The following KIF1C variants were observed in gnomAD, a reference collection of about 807,000 sequenced individuals.
The protein encoded by KIF1C is kinesin family member 1C, also known as kinesin-like protein KIF1C.
A neutral mutation model predicts 126.5 loss-of-function variants in KIF1C; 61 were observed. That is an observed-to-expected ratio of 0.48 (90% CI 0.39 to 0.60). The LOEUF is 0.60. Among genes scored for constraint, KIF1C ranks in the 20% least tolerant of loss-of-function variants. KIF1C has a pLI of 0.00. For missense variants in KIF1C, 1,315 were observed against 1,489.2 expected (o/e 0.88, Z 1.93); for synonymous variants, 640 against 580.6 (o/e 1.10, Z -1.47).
chr17:5,002,668 G>A (rs747367498), intron 7 of KIF1C, 26 bp downstream of exon 7: 16 of 1,611,872 alleles, frequency 9.9e-6, no homozygotes, highest in Middle Eastern at 1.6e-4. Context: ...GGAGCAGAGG[G>A]CAAGGGGGCC....
intron 2 of KIF1C, 24 bp from the exon 3 acceptor site, chr17:5,000,193 CCCA>C (rs1414228970): frequency 7.5e-7 from 1 of 1,329,236 alleles, no homozygotes; most frequent in Non-Finnish European, 1.1e-6. Flanking sequence ...TGGTTCTGAC[CCCA>C]CCACTCCTTT....
rs900762020 is a variant in KIF1C, at chr17:5,007,491, G to T, written c.1440G>T (p.Gly480=). The T allele has an allele frequency of 2.5e-6, 4 of 1,580,924 alleles. No individual in the cohort carries two copies. The African/African-American group carries it at 5.4e-5, about 21-fold the overall frequency. The change falls in exon 16 of 23, where the codon GGG becomes GGT. Residue 480 remains glycine, a synonymous_variant. Coordinates refer to ENST00000320785, the MANE Select transcript of KIF1C (RefSeq NM_006612.6). The part of the protein sequence containing the change: ...MEREALLAEM[G]VAVREDGGTV... ...GAGAAGCATTGCTGGCTGAGATGGGGGTGGCCGTCCGGGAGGATGGGGGAA... is the reference window on the plus strand; with the variant it reads ...GAGAAGCATTGCTGGCTGAGATGGGTGTGGCCGTCCGGGAGGATGGGGGAA...
In KIF1C at chr17:5,023,628, AG is replaced by A. The variant is rs1975139485; in HGVS notation, c.2791del (p.Asp931ThrfsTer157). On this transcript the variant is annotated frameshift_variant, in exon 23 of 23. Transcript: ENST00000320785. LOFTEE classifies it high-confidence loss of function. The surrounding 1 kb of genome is among the most constrained non-coding windows in gnomAD (Gnocchi z 4.2). ...GAGCGGGTGTCACGGCTCATGGAGG[AG>A]GACCCTGCCTTCCGTCGTGGTCGTC... is the stretch of plus-strand genomic sequence containing the variant. Reference protein sequence around the residue: ...SWERVSRLMEEDPAFRRGRLR... With the variant: ...SWERVSRLMEXDPAFRRGRLR... 6.2e-7 allele frequency: 1 copy of A among 1,613,266 alleles called. No individual in the cohort carries two copies. Among genetic ancestry groups the A allele is most frequent in the Non-Finnish European group, 8.5e-7 (1 of 1,179,836 alleles).
chr17:5,000,448 T>C lies in KIF1C; in HGVS notation c.106+96T>C, dbSNP rs555791149. On this transcript the variant is annotated intron_variant, in intron 3 of 22. Coordinates refer to ENST00000320785, the MANE Select transcript of KIF1C (RefSeq NM_006612.6). Reference sequence around the variant, plus strand: ...CTGGGCCAAACTAAGAGGAGGGTAATGCTGGGCACAGAGCAGGTGCTAGTC... The same window carrying C: ...CTGGGCCAAACTAAGAGGAGGGTAACGCTGGGCACAGAGCAGGTGCTAGTC... The C allele has an allele frequency of 1.9e-5, 16 of 856,206 alleles. No individual in the cohort carries two copies. In the East Asian group the frequency reaches 2.7e-4, roughly 14 times the overall value. The allele number at this position is 856,206 out of a possible 1,614,324, so 53.0% of individuals were successfully genotyped here.
At chr17:5,002,666 G>C (rs772469150) in intron 7 of KIF1C, 24 bp downstream of exon 7, 1 of 1,611,972 alleles carries the variant, frequency 6.2e-7, no homozygotes, top group Non-Finnish European at 8.5e-7. Context: ...ATGGAGCAGA[G>C]GGCAAGGGGG....
Position 5,023,742 on chromosome 17 carries a change from G to T in KIF1C, c.2903G>T (p.Arg968Leu). Residue 968 changes from arginine (R) to leucine (L), a missense_variant, in exon 23 of 23, where the codon CGC becomes CTC. By Grantham distance (102) the Arg-to-Leu change is moderately radical. Transcript: ENST00000320785. The surrounding 1 kb of genome is among the most constrained non-coding windows in gnomAD (Gnocchi z 4.2). Reference protein sequence around the residue: ...RGGGLRRPPARFVPPHDCKLR... With the variant: ...RGGGLRRPPALFVPPHDCKLR... ...GGGGGGCTGCGCAGGCCCCCAGCCCGCTTTGTGCCCCCTCACGACTGCAAG... is the reference window on the plus strand; with the variant it reads ...GGGGGGCTGCGCAGGCCCCCAGCCCTCTTTGTGCCCCCTCACGACTGCAAG... 6.6e-7 allele frequency: 1 copy of T among 1,523,966 alleles called. No individual in the cohort carries two copies. Among genetic ancestry groups the T allele is most frequent in the Non-Finnish European group, 8.8e-7 (1 of 1,138,636 alleles). The allele number at this position is 1,523,966 out of a possible 1,614,324, so 94.4% of individuals were successfully genotyped here.
chr17:5,012,810 C>T (rs1375737940), intron 16 of KIF1C, among the ~76,000 whole-genome samples: 2 of 152,156 alleles, frequency 1.3e-5, no homozygotes, highest in African/African-American at 2.4e-5. Flanking sequence ...GTCGCCTGTA[C>T]GCCATCCAGA....
chr17:5,006,473 A>T (rs969811285), intron 13 of KIF1C, among the ~76,000 whole-genome samples: 3 of 151,614 alleles, frequency 2.0e-5, no homozygotes, highest in African/African-American at 7.3e-5. Flanking sequence ...AGTAGCTAGG[A>T]TTACAGGTGC....
At position 5,026,574 on chromosome 17, in the gene KIF1C, A is replaced by ACTGCC. The variant is rs1555572368; in HGVS notation, c.*2424_*2425insTGCCC. 1 of 155,788 alleles carries ACTGCC rather than the reference A, an allele frequency of 6.4e-6. No individual in the cohort carries two copies. Among genetic ancestry groups the ACTGCC allele is most frequent in the Non-Finnish European group, 1.4e-5 (1 of 71,268 alleles). The allele number at this position is 155,788 out of a possible 1,614,324, so 9.7% of individuals were successfully genotyped here. A position where few individuals can be genotyped will look rare whatever the true frequency, so the allele number is the denominator to read the frequency against. On this transcript the variant is annotated 3_prime_UTR_variant, in exon 23 of 23. Coordinates refer to ENST00000320785, the MANE Select transcript of KIF1C (RefSeq NM_006612.6). Reference sequence around the variant, plus strand: ...AGACCAGCCTGGGCAACATAGTGAAACCCTGTATCTACAAAACATAGAAAA... The same window carrying ACTGCC: ...AGACCAGCCTGGGCAACATAGTGAAACTGCCCCCTGTATCTACAAAACATAGAAAA...
chr17:5,024,070 C>T lies in KIF1C; in HGVS notation c.3231C>T (p.Arg1077=), dbSNP rs1311799196. Residue 1077 remains arginine (R), a synonymous_variant, in exon 23 of 23, where the codon CGC becomes CGT. Coordinates refer to ENST00000320785, the MANE Select transcript of KIF1C (RefSeq NM_006612.6). ...PYPAQRPPGP[R]YPPYTTPPRM... is the part of the protein sequence containing the mutation. Reference sequence around the variant, plus strand: ...CAGCCCAGCGGCCCCCAGGGCCCCGCTACCCCCCATACACTACTCCCCCAC... The same window carrying T: ...CAGCCCAGCGGCCCCCAGGGCCCCGTTACCCCCCATACACTACTCCCCCAC... 6.3e-7 allele frequency: 1 copy of T among 1,590,596 alleles called. No individual in the cohort carries two copies. Among genetic ancestry groups the T allele is most frequent in the Non-Finnish European group, 8.6e-7 (1 of 1,168,708 alleles).
At chr17:5,017,344 GGCTCGAGTGCAGTGGC>G (rs1567726532) in intron 18 of KIF1C, among the ~76,000 whole-genome samples, 1 of 138,552 alleles carries the variant, frequency 7.2e-6, no homozygotes, top group Non-Finnish European at 1.5e-5. Context: ...CTGTCGCCCA[GGCTCGAGTGCAGTGGC>G]GCGATCTCGG....
intron 3 of KIF1C, 24 bp downstream of exon 3, chr17:5,000,376 C>T (rs200594715): frequency 1.3e-6 from 2 of 1,495,474 alleles, no homozygotes; most frequent in East Asian, 2.4e-5. Context: ...CGGGGCCTGG[C>T]TGGGCACAGG....
rs1396762555 is a variant in KIF1C at position 5,026,317 on chromosome 17, G to C, written c.*2166G>C. 1 of 152,222 alleles carries C rather than the reference G, an allele frequency of 6.6e-6. No homozygotes were observed. The highest frequency in any genetic ancestry group is 2.4e-5 in the African/African-American group (1 of 41,454). 9.4% of individuals were successfully genotyped at this position (152,222 alleles called of 1,614,324 possible). A position where few individuals can be genotyped will look rare whatever the true frequency, so the allele number is the denominator to read the frequency against. ...ATGATAGAATACCAAGTTTTCTGGA[G>C]GTCAGAGGGAGCTGAGTTGAGTGTT... On this transcript the variant is annotated 3_prime_UTR_variant, in exon 23 of 23. Transcript: ENST00000320785.
chr17:5,018,438 G>A (rs556342296), intron 18 of KIF1C, among the ~76,000 whole-genome samples: 107 of 152,062 alleles, frequency 7.0e-4, no homozygotes, highest in Middle Eastern at 3.4e-3. Context: ...AGGCCAAGGC[G>A]GGCGGATCAC....
chr17:5,006,689 C>G (rs1312565525), intron 13 of KIF1C, among the ~76,000 whole-genome samples: 1 of 152,048 alleles, frequency 6.6e-6, no homozygotes, highest in African/African-American at 2.4e-5. Flanking sequence ...AAGGACTGGC[C>G]GCCTCCTTCA....
At position 5,007,166 on chromosome 17, in the gene KIF1C, G is replaced by A; in HGVS notation, c.1335+82G>A. ...CTCCAAAGTCAAGCTTGAGAAAGAA[G>A]GAATTCTAGGAGTAGCATGGCCCCA... On this transcript the variant is annotated intron_variant, in intron 14 of 22. Transcript: ENST00000320785. The A allele has an allele frequency of 2.6e-6, 4 of 1,567,206 alleles. No individual in the cohort carries two copies. In the South Asian group the frequency reaches 3.4e-5, roughly 13 times the overall value.
At position 5,010,477 on chromosome 17, in the gene KIF1C, G is replaced by A. The variant is rs111379456; in HGVS notation, c.1491+2935G>A. 4.0e-3 allele frequency among the ~76,000 whole-genome samples: 602 copies of A among 152,152 alleles called. 2 individuals are homozygous for A. Among genetic ancestry groups the A allele is most frequent in the Non-Finnish European group, 6.1e-3 (414 of 68,020 alleles). On this transcript the variant is annotated intron_variant, in intron 16 of 22. Coordinates refer to ENST00000320785, the MANE Select transcript of KIF1C (RefSeq NM_006612.6). ...TAAAATTTTAATCTAGGCCGGGTGC[G>A]GTGGCTCACGCCTGTAATCCCAGCA...
Position 5,002,836 on chromosome 17 carries a change from G to T in KIF1C, c.714G>T (p.Ser238=). The part of the protein sequence containing the change: ...RCHDQLTGLD[S]EKVSKISLVD... ...ATGACCAGCTCACGGGGCTGGACTC[G>T]GAGAAGGTGGGATCGCCCCCCCCCC... The change falls in exon 8 of 23, where the codon TCG becomes TCT. Residue 238 remains serine (S), a synonymous_variant. Coordinates refer to ENST00000320785, the MANE Select transcript of KIF1C (RefSeq NM_006612.6). The T allele has an allele frequency of 6.2e-7, 1 of 1,604,150 alleles. No homozygotes were observed.
chr17:5,009,729 A>C (rs550702869), intron 16 of KIF1C, among the ~76,000 whole-genome samples: 14 of 149,752 alleles, frequency 9.3e-5, no homozygotes, highest in African/African-American at 3.4e-4. Context: ...CAGAGGTTGC[A>C]GTGAGCTGAG....
Sources: gnomAD v4.1 joint callset for allele counts (sites outside exome capture counted in the v4.1 genomes callset) on GRCh38, gnomAD v4.1.1 for gene constraint, Gnocchi (gnomAD v3.1) non-coding constraint, MANE v1.5 for transcripts, NCBI Gene and HGNC (gene_info 2026-07-23, HGNC 2026-07-21) for gene names.